The following DAB1 variants were observed in gnomAD, a reference collection of about 807,000 sequenced individuals.
DAB1 encodes DAB adaptor protein 1.
Under a neutral mutation model 64.6 loss-of-function variants are expected in DAB1, and 15 were observed. The ratio of observed to expected loss-of-function variants is 0.23; its 90% confidence interval spans 0.16 to 0.36. The LOEUF (loss-of-function observed/expected upper bound fraction) is 0.36, where lower values mean the gene tolerates loss of function less well. Ranked by LOEUF, DAB1 falls within the 10% of genes least tolerant of loss-of-function variation. DAB1 has a pLI of 1.00. For synonymous variants in DAB1, 235 were observed against 251.9 expected (o/e 0.93, Z 0.64); for missense variants, 596 against 706.7 (o/e 0.84, Z 1.78).
intron 7 of DAB1, among the ~76,000 whole-genome samples, chr1:57,603,086 C>A (rs1570664892): frequency 6.6e-6 from 1 of 152,164 alleles, no homozygotes; most frequent in Admixed American, 6.5e-5. Context: ...GAGTCTCCTG[C>A]CTCAGCCTAC....
chr1:57,792,895 A>G (rs1321626809), intron 6 of DAB1, among the ~76,000 whole-genome samples: 4 of 152,242 alleles, frequency 2.6e-5, no homozygotes, highest in Non-Finnish European at 5.9e-5. Flanking sequence ...TCTGAAATGT[A>G]TTTGAACCAT....
At chr1:58,452,960 A>C (rs1645154927) in intron 3 of DAB1, among the ~76,000 whole-genome samples, 1 of 152,248 alleles carries the variant, frequency 6.6e-6, no homozygotes, top group African/African-American at 2.4e-5. Context: ...AAAATCCTGT[A>C]CATAAATGGT....
chr1:57,885,057 A>T (rs1644202481), upstream of DAB1, among the ~76,000 whole-genome samples: 1 of 152,220 alleles, frequency 6.6e-6, no homozygotes, highest in Admixed American at 6.5e-5. Context: ...TTATCTTTAT[A>T]AATTACCCAG....
chr1:56,995,369 G>T lies in DAB1; in HGVS notation c.*2775C>A, dbSNP rs1024925339. On this transcript the variant is annotated 3_prime_UTR_variant, in exon 15 of 15. Transcript: ENST00000371236. ...TCACTGTACTCCTGGGACAGGATACGGTGCTTCCAGGCTCACCAAACAGTG... is the reference window on the plus strand; with the variant it reads ...TCACTGTACTCCTGGGACAGGATACTGTGCTTCCAGGCTCACCAAACAGTG... 1 of 152,172 alleles carries T rather than the reference G, an allele frequency of 6.6e-6. No homozygotes were observed. The highest frequency in any genetic ancestry group is 1.5e-5 in the Non-Finnish European group (1 of 68,048). 9.4% of individuals were successfully genotyped at this position (152,172 alleles called of 1,614,324 possible).
At chr1:57,821,933 A>G (rs1652139601), downstream of DAB1, among the ~76,000 whole-genome samples, 1 of 152,132 alleles carries the variant, frequency 6.6e-6, no homozygotes, top group East Asian at 1.9e-4. Context: ...AATTTTCACA[A>G]TTTCTGTGAG....
chr1:57,977,372 C>G (rs1365706526), intron 5 of DAB1, among the ~76,000 whole-genome samples: 1 of 152,184 alleles, frequency 6.6e-6, no homozygotes, highest in Middle Eastern at 3.2e-3. Flanking sequence ...AAGCATTCCT[C>G]TCCTCTTTAG....
chr1:57,612,926 G>A (rs72676974), intron 7 of DAB1, among the ~76,000 whole-genome samples: 3,745 of 152,198 alleles, frequency 0.025, 67 homozygotes, highest in Non-Finnish European at 0.037. Context: ...ATGTGTACAT[G>A]GGTGTCTTCT....
intron 7 of DAB1, among the ~76,000 whole-genome samples, chr1:57,495,596 G>A: frequency 6.6e-6 from 1 of 152,214 alleles, no homozygotes; most frequent in East Asian, 1.9e-4. Flanking sequence ...AGCAGTGATT[G>A]TAAGATGTCA....
intron 6 of DAB1, among the ~76,000 whole-genome samples, chr1:57,699,286 AC>A (rs531154040): frequency 1.1e-3 from 166 of 152,224 alleles, no homozygotes; most frequent in Non-Finnish European, 2.0e-3. Flanking sequence ...CTAACATTTC[AC>A]ATCTTTAGGA....
chr1:57,268,871 T>C (rs2551484), intron 2 of DAB1, among the ~76,000 whole-genome samples: 116,082 of 152,156 alleles, frequency 0.76, 45,482 homozygotes, highest in African/African-American at 0.94. Context: ...ACCTTTACAA[T>C]GGTGTTGGAG....
At chr1:58,462,215 T>C (rs920723068) in intron 3 of DAB1, among the ~76,000 whole-genome samples, 2 of 148,098 alleles carry the variant, frequency 1.4e-5, no homozygotes, top group African/African-American at 2.5e-5. Flanking sequence ...CAAGCTCCGC[T>C]TCCCGGGTTC....
At chr1:58,415,514 G>A (rs1207617552) in intron 3 of DAB1, 1 of 236,670 alleles carries the variant, frequency 4.2e-6, no homozygotes, top group Admixed American at 6.5e-5. Context: ...TGGATTAAGT[G>A]GACACAGAAA....
chr1:57,387,838 A>AAAAAG (rs59597761), intron 1 of DAB1, among the ~76,000 whole-genome samples: 41 of 146,838 alleles, frequency 2.8e-4, no homozygotes, highest in African/African-American at 4.8e-4. Context: ...AAAAAAAAAA[A>AAAAAG]AGAGAGAGAA....
At chr1:57,921,475 A>C (rs1224080496) in intron 5 of DAB1, among the ~76,000 whole-genome samples, 1 of 152,198 alleles carries the variant, frequency 6.6e-6, no homozygotes, top group East Asian at 1.9e-4. Context: ...CCAGGGGAGC[A>C]GAAACACATC....
intron 2 of DAB1, among the ~76,000 whole-genome samples, chr1:58,526,896 T>A (rs1646360027): frequency 6.6e-6 from 1 of 152,144 alleles, no homozygotes; most frequent in Non-Finnish European, 1.5e-5. Context: ...ACACATTACA[T>A]AACCAAATGT....
chr1:57,161,929 C>A (rs754837187), intron 2 of DAB1, among the ~76,000 whole-genome samples: 1 of 151,926 alleles, frequency 6.6e-6, no homozygotes, highest in Non-Finnish European at 1.5e-5. Flanking sequence ...TATGTTTTCC[C>A]ATATTGATAT....
At chr1:57,937,022 G>A (rs557320814) in intron 5 of DAB1, among the ~76,000 whole-genome samples, 1 of 152,072 alleles carries the variant, frequency 6.6e-6, no homozygotes, top group East Asian at 1.9e-4. Flanking sequence ...CTGGGGGGTT[G>A]TCTTTTTTTT....
chr1:57,651,968 G>A (rs901381791), intron 6 of DAB1, among the ~76,000 whole-genome samples: 1 of 152,050 alleles, frequency 6.6e-6, no homozygotes, highest in Non-Finnish European at 1.5e-5. Flanking sequence ...CTTAAACCAA[G>A]GTAACTTTGG....
chr1:57,236,484 G>A (rs1668096920), intron 2 of DAB1, among the ~76,000 whole-genome samples: 1 of 152,138 alleles, frequency 6.6e-6, no homozygotes, highest in Non-Finnish European at 1.5e-5. Context: ...TGAAAAGGAG[G>A]GAGGGGGTTA....
Sources: gnomAD v4.1 joint callset for allele counts (sites outside exome capture counted in the v4.1 genomes callset) on GRCh38, gnomAD v4.1.1 for gene constraint, MANE v1.5 for transcripts, NCBI Gene and HGNC (gene_info 2026-07-23, HGNC 2026-07-21) for gene names.